Variants in ZSCAN25 observed in about 807,000 individuals in gnomAD.
ZSCAN25 encodes zinc finger and SCAN domain-containing protein 25.
In ZSCAN25, 27 loss-of-function variants were observed where a neutral mutation model predicts 38.7. That is an observed-to-expected ratio of 0.70 (90% confidence interval 0.51 to 0.96). The LOEUF is 0.96. Among genes scored for constraint, ZSCAN25 ranks in the 40% least tolerant of loss-of-function variants. The probability of loss-of-function intolerance (pLI) is 0.00; values close to 1 mark genes in which losing one functional copy is unlikely to be tolerated. For missense variants in ZSCAN25, 637 were observed against 705.9 expected (o/e 0.90, Z 1.11); for synonymous variants, 273 against 277.7 (o/e 0.98, Z 0.17).
chr7:99,635,462 A>G (rs1314448745), downstream of ZSCAN25, among the ~76,000 whole-genome samples: 1 of 152,188 alleles, frequency 6.6e-6, no homozygotes, highest in Non-Finnish European at 1.5e-5. Context: ...TTATTGTTCA[A>G]TTTAACTACA....
At chr7:99,640,072 A>G in the ZSCAN25 span, among the ~76,000 whole-genome samples, 1 of 152,188 alleles carries the variant, frequency 6.6e-6, no homozygotes, top group Non-Finnish European at 1.5e-5. Flanking sequence ...GTCTCAAACA[A>G]AAACTACTTA....
At chr7:99,710,209 A>G in the ZSCAN25 span, among the ~76,000 whole-genome samples, 7 of 152,342 alleles carry the variant, frequency 4.6e-5, no homozygotes, top group East Asian at 9.6e-4. Flanking sequence ...ACTTAGTGTT[A>G]TATTTGAAAG....
the ZSCAN25 span, among the ~76,000 whole-genome samples, chr7:99,725,521 T>A: frequency 2.0e-5 from 3 of 152,042 alleles, no homozygotes; most frequent in African/African-American, 7.2e-5. Context: ...CTTCAAAACC[T>A]CCTCATGGAC....
At chr7:99,712,385 C>T in the ZSCAN25 span, among the ~76,000 whole-genome samples, 2 of 152,188 alleles carry the variant, frequency 1.3e-5, no homozygotes, top group Non-Finnish European at 2.9e-5. Flanking sequence ...GTTTAGAGCT[C>T]TGCTGTCCAA....
At chr7:99,655,918 CA>C in the ZSCAN25 span, among the ~76,000 whole-genome samples, 1 of 152,108 alleles carries the variant, frequency 6.6e-6, no homozygotes, top group Non-Finnish European at 1.5e-5. Flanking sequence ...GTGATTTTTG[CA>C]CATTGATTTT....
At chr7:99,725,577 C>A in the ZSCAN25 span, among the ~76,000 whole-genome samples, 1 of 152,246 alleles carries the variant, frequency 6.6e-6, no homozygotes, top group South Asian at 2.1e-4. Flanking sequence ...TCAGAAGGCC[C>A]ACAGCCTGGG....
chr7:99,689,499 A>G, the ZSCAN25 span, among the ~76,000 whole-genome samples: 1 of 152,236 alleles, frequency 6.6e-6, no homozygotes, highest in Non-Finnish European at 1.5e-5. Flanking sequence ...GACCAATAAC[A>G]GGCTCTGAAA....
chr7:99,709,089 A>G, the ZSCAN25 span: 58 of 1,613,884 alleles, frequency 3.6e-5, no homozygotes, highest in South Asian at 2.2e-4. Context: ...ATGATGAAGA[A>G]CATAGCTTGG....
At chr7:99,713,847 G>A in the ZSCAN25 span, among the ~76,000 whole-genome samples, 1 of 152,200 alleles carries the variant, frequency 6.6e-6, no homozygotes, top group Non-Finnish European at 1.5e-5. Context: ...TGTCCACAAA[G>A]ATTATTCTCC....
At chr7:99,724,685 C>A in the ZSCAN25 span, among the ~76,000 whole-genome samples, 2 of 152,090 alleles carry the variant, frequency 1.3e-5, no homozygotes, top group Non-Finnish European at 2.9e-5. Flanking sequence ...AGTTTCATTC[C>A]GAGACTAGCC....
In ZSCAN25 at chr7:99,622,511, TC is replaced by T. The variant is rs779763621; in HGVS notation, c.590-36del. On this transcript the variant is annotated intron_variant, in intron 5 of 7. Coordinates refer to ENST00000394152, the MANE Select transcript of ZSCAN25 (RefSeq NM_145115.3). ...CGAGCTAACAGCATAACATCACTGA[TC>T]CTTCTGATCTTTCTCATGCTTTTTG... 43 of 1,589,128 alleles carry T rather than the reference TC, an allele frequency of 2.7e-5. No individual in the cohort carries two copies. In the South Asian group the frequency reaches 4.6e-4, roughly 17 times the overall value.
the ZSCAN25 span, chr7:99,666,956 T>G: frequency 1.9e-6 from 3 of 1,613,714 alleles, no homozygotes; most frequent in Non-Finnish European, 2.5e-6. Flanking sequence ...TCATACCTCC[T>G]TGAGTTTTCC....
At chr7:99,728,507 C>T in the ZSCAN25 span, among the ~76,000 whole-genome samples, 4 of 152,198 alleles carry the variant, frequency 2.6e-5, no homozygotes, top group African/African-American at 9.7e-5. Flanking sequence ...GGGTGCAAGA[C>T]ACCTCTTTTG....
chr7:99,663,005 A>C, the ZSCAN25 span: 2 of 1,483,246 alleles, frequency 1.3e-6, no homozygotes, highest in Non-Finnish European at 1.8e-6. Flanking sequence ...TGGCTTCTTG[A>C]AGACGTGTTA....
In ZSCAN25 at chr7:99,629,908, A is replaced by G; in HGVS notation, c.1523A>G (p.His508Arg). 6.2e-7 allele frequency: 1 copy of G among 1,614,202 alleles called. No homozygotes were observed. Among genetic ancestry groups the G allele is most frequent in the Non-Finnish European group, 8.5e-7 (1 of 1,180,024 alleles). Residue 508 changes from histidine to arginine, a missense_variant, in exon 8 of 8, where the codon CAT (histidine) becomes CGT (arginine). Transcript: ENST00000394152. The surrounding 1 kb of genome is among the most constrained non-coding windows in gnomAD (Gnocchi z 5.6). ...CGGCTGGTCCGACACCAGAGAATCCATACAGGGGAGAAGCCCTACCACTGT... is the reference window on the plus strand; with the variant it reads ...CGGCTGGTCCGACACCAGAGAATCCGTACAGGGGAGAAGCCCTACCACTGT... ...GERLVRHQRI[H>R]TGEKPYHCPA...
chr7:99,627,447 AT>A lies in ZSCAN25; in HGVS notation c.806-1743del, dbSNP rs532835342. On this transcript the variant is annotated intron_variant, in intron 7 of 7. Transcript: ENST00000394152. The stretch of plus-strand genomic sequence containing the variant: ...TATCTGTATCTGTATATCTATCTAT[AT>A]ATACATACACACACACACATACATA... Among the ~76,000 whole-genome samples the A allele has an allele frequency of 1.9e-4, 29 of 152,300 alleles. No individual in the cohort carries two copies. In the East Asian group the frequency reaches 5.4e-3, roughly 28 times the overall value.
the ZSCAN25 span, chr7:99,638,360 C>T: frequency 6.2e-7 from 1 of 1,603,232 alleles, no homozygotes; most frequent in Non-Finnish European, 8.5e-7. Flanking sequence ...CCAGTTTCTC[C>T]TGGATCTTGT....
At chr7:99,734,563 T>C in the ZSCAN25 span, among the ~76,000 whole-genome samples, 1 of 152,166 alleles carries the variant, frequency 6.6e-6, no homozygotes, top group Non-Finnish European at 1.5e-5. Context: ...AACCTCTATA[T>C]GTTTGTAGCA....
chr7:99,621,520 G>C lies in ZSCAN25; in HGVS notation c.535G>C (p.Glu179Gln). ...EGVQGPDPGTEEQLSQDPGDE... is the reference protein window; with the variant it reads ...EGVQGPDPGTQEQLSQDPGDE... ...AGTTCAAGGTCCAGACCCAGGTACC[G>C]AGGAGCAGCTCAGTCAGGACCCTGG... Residue 179 changes from glutamate (E) to glutamine (Q), a missense_variant, in exon 5 of 8, where the codon GAG becomes CAG. Glu to Gln is a conservative substitution (Grantham distance 29, BLOSUM62 2). Coordinates refer to ENST00000394152, the MANE Select transcript of ZSCAN25 (RefSeq NM_145115.3). 1 of 1,560,752 alleles carries C rather than the reference G, an allele frequency of 6.4e-7. No individual in the cohort carries two copies. Among genetic ancestry groups the C allele is most frequent in the Non-Finnish European group, 8.7e-7 (1 of 1,146,588 alleles).
Sources: allele counts gnomAD v4.1 joint callset (sites outside exome capture counted in the v4.1 genomes callset), GRCh38; gene constraint gnomAD v4.1.1; non-coding constraint Gnocchi (gnomAD v3.1); transcripts MANE v1.5; gene names NCBI Gene and HGNC (gene_info 2026-07-23, HGNC 2026-07-21).